The following CSMD3 variants were observed in gnomAD, a reference collection of about 807,000 sequenced individuals.
CSMD3 encodes CUB and Sushi multiple domains 3.
Under a neutral mutation model 435.2 loss-of-function variants are expected in CSMD3, and 177 were observed. The ratio of observed to expected loss-of-function variants is 0.41; its 90% confidence interval spans 0.36 to 0.46. The LOEUF (loss-of-function observed/expected upper bound fraction) is 0.46, where lower values mean the gene tolerates loss of function less well. Ranked by LOEUF, CSMD3 falls within the 20% of genes least tolerant of loss-of-function variation. The pLI, the probability that CSMD3 is intolerant of heterozygous loss-of-function variation, is 0.34. For synonymous variants in CSMD3, 1,656 were observed against 1,520.5 expected, an observed-to-expected ratio of 1.09 and a Z score of -2.07; for missense variants, 4,265 against 4,504.6, an observed-to-expected ratio of 0.95 and a Z score of 1.52.
chr8:113,240,814 T>C (rs571687350), intron 3 of CSMD3, among the ~76,000 whole-genome samples: 12 of 152,236 alleles, frequency 7.9e-5, no homozygotes, highest in African/African-American at 2.6e-4. Flanking sequence ...AAAAATGACA[T>C]GTGAATTACA....
At chr8:112,679,915 A>G (rs1397863453) in intron 16 of CSMD3, among the ~76,000 whole-genome samples, 1 of 152,176 alleles carries the variant, frequency 6.6e-6, no homozygotes. Flanking sequence ...ACTTAGCATT[A>G]TTTAAAAAGG....
intron 32 of CSMD3, among the ~76,000 whole-genome samples, chr8:112,413,075 AT>A (rs1166066837): frequency 6.6e-6 from 1 of 152,212 alleles, no homozygotes; most frequent in Non-Finnish European, 1.5e-5. Flanking sequence ...TAATAAATCT[AT>A]AACTTAGATT....
chr8:112,457,554 G>A (rs1816963475), intron 32 of CSMD3, among the ~76,000 whole-genome samples: 1 of 152,012 alleles, frequency 6.6e-6, no homozygotes, highest in Non-Finnish European at 1.5e-5. Context: ...AAATTTAAAT[G>A]TTCAAGAAAT....
chr8:112,319,854 G>A (rs1822826691), intron 46 of CSMD3, 47 bp downstream of exon 46: 1 of 1,345,854 alleles, frequency 7.4e-7, no homozygotes. Context: ...TAAGCAAATA[G>A]TTCTGCCAGC....
chr8:112,471,954 C>A (rs999818395), intron 32 of CSMD3, among the ~76,000 whole-genome samples: 1 of 152,112 alleles, frequency 6.6e-6, no homozygotes, highest in Non-Finnish European at 1.5e-5. Flanking sequence ...GATCTCAGAA[C>A]CAAAACCTTT....
intron 25 of CSMD3, among the ~76,000 whole-genome samples, chr8:112,554,167 A>G (rs1474897576): frequency 6.6e-6 from 1 of 151,892 alleles, no homozygotes; most frequent in Non-Finnish European, 1.5e-5. Context: ...AGCTCTATAG[A>G]TAGATAGATG....
chr8:113,142,331 G>T (rs535475688), intron 4 of CSMD3, among the ~76,000 whole-genome samples: 1 of 151,292 alleles, frequency 6.6e-6, no homozygotes, highest in South Asian at 2.1e-4. Context: ...TGAAAAAGTA[G>T]AATTAAATGG....
intron 22 of CSMD3, among the ~76,000 whole-genome samples, chr8:112,622,433 T>A (rs190366027): frequency 6.6e-6 from 1 of 152,332 alleles, no homozygotes. Context: ...GTTATTTCTT[T>A]GCTTAAAACA....
chr8:112,548,715 A>T (rs1827410153), intron 27 of CSMD3, among the ~76,000 whole-genome samples: 1 of 152,124 alleles, frequency 6.6e-6, no homozygotes, highest in African/African-American at 2.4e-5. Context: ...TTCAAATCTG[A>T]ACACTTGAAA....
chr8:112,643,278 T>G (rs1586872916), intron 20 of CSMD3, among the ~76,000 whole-genome samples: 1 of 152,252 alleles, frequency 6.6e-6, no homozygotes, highest in East Asian at 1.9e-4. Context: ...GTACAGTCCT[T>G]ATCAACAGAA....
chr8:112,301,969 T>G lies in CSMD3; in HGVS notation c.8267-3A>C. On this transcript the variant is annotated splice_polypyrimidine_tract_variant and splice_region_variant and intron_variant, in intron 52 of 70. Coordinates refer to ENST00000297405, the MANE Select transcript of CSMD3 (RefSeq NM_198123.2). ...AGGTAGTTCTCCACAGGAAATAACTTTAAAATGATAAATAAATAAAAATCC... is the reference window on the plus strand; with the variant it reads ...AGGTAGTTCTCCACAGGAAATAACTGTAAAATGATAAATAAATAAAAATCC... 2 of 1,585,790 alleles carry G rather than the reference T, an allele frequency of 1.3e-6. No homozygotes were observed. Among genetic ancestry groups the G allele is most frequent in the Non-Finnish European group, 1.7e-6 (2 of 1,154,764 alleles).
intron 4 of CSMD3, among the ~76,000 whole-genome samples, chr8:113,144,134 A>T (rs1377842986): frequency 1.3e-5 from 2 of 150,508 alleles, no homozygotes; most frequent in Non-Finnish European, 3.0e-5. Context: ...TTATTTATAA[A>T]CCTGCCAATA....
intron 1 of CSMD3, among the ~76,000 whole-genome samples, chr8:113,349,433 G>A (rs774453708): frequency 3.3e-5 from 5 of 152,160 alleles, no homozygotes; most frequent in Non-Finnish European, 7.4e-5. Flanking sequence ...CATTTATACA[G>A]ACATCTAAAC....
At chr8:112,535,789 G>A (rs942593870) in intron 27 of CSMD3, among the ~76,000 whole-genome samples, 2 of 152,010 alleles carry the variant, frequency 1.3e-5, no homozygotes, top group African/African-American at 4.8e-5. Flanking sequence ...AGGCTACAGT[G>A]ACCAAAACAG....
intron 4 of CSMD3, among the ~76,000 whole-genome samples, chr8:113,114,091 T>C (rs1182572660): frequency 2.6e-5 from 4 of 152,062 alleles, no homozygotes; most frequent in Admixed American, 6.6e-5. Flanking sequence ...ATGAGGTAGA[T>C]AGAGAAGTGG....
chr8:113,049,186 C>T (rs142187118), intron 5 of CSMD3, among the ~76,000 whole-genome samples: 239 of 152,160 alleles, frequency 1.6e-3, no homozygotes, highest in Middle Eastern at 0.014. Flanking sequence ...TTGCAGTGAG[C>T]CAAGATCACG....
intron 4 of CSMD3, among the ~76,000 whole-genome samples, chr8:113,157,770 T>C (rs1266598323): frequency 6.6e-6 from 1 of 152,102 alleles, no homozygotes; most frequent in Admixed American, 6.6e-5. Context: ...TCTGAATACA[T>C]AACATCCTTA....
intron 12 of CSMD3, among the ~76,000 whole-genome samples, chr8:112,800,478 A>G: frequency 6.6e-6 from 1 of 152,034 alleles, no homozygotes; most frequent in East Asian, 1.9e-4. Flanking sequence ...TTCTGTGTTT[A>G]ACTAGGAAAG....
At chr8:112,311,495 G>A (rs1319159580) in intron 49 of CSMD3, among the ~76,000 whole-genome samples, 2 of 152,130 alleles carry the variant, frequency 1.3e-5, no homozygotes, top group African/African-American at 4.8e-5. Flanking sequence ...CGCATTTCCT[G>A]TCATTTGAGG....
Sources: allele counts gnomAD v4.1 joint callset (sites outside exome capture counted in the v4.1 genomes callset), GRCh38; gene constraint gnomAD v4.1.1; transcripts MANE v1.5; gene names NCBI Gene and HGNC (gene_info 2026-07-23, HGNC 2026-07-21).